The following GRIA4 variants were observed in gnomAD, a reference collection of about 807,000 sequenced individuals.
The protein encoded by GRIA4 is glutamate ionotropic receptor AMPA type subunit 4, also known as glutamate receptor 4.
Under a neutral mutation model 104.0 loss-of-function variants are expected in GRIA4, and 34 were observed. That is an observed-to-expected ratio of 0.33 (90% confidence interval 0.25 to 0.44). The LOEUF is 0.44. Among genes scored for constraint, GRIA4 ranks in the 20% least tolerant of loss-of-function variants. GRIA4 has a pLI of 1.00. For synonymous variants in GRIA4, 386 were observed against 381.9 expected (o/e 1.01, Z -0.13); for missense variants, 750 against 1,096.5 (o/e 0.68, Z 4.46).
chr11:105,748,195 C>T (rs578248341), intron 3 of GRIA4, among the ~76,000 whole-genome samples: 87 of 152,254 alleles, frequency 5.7e-4, no homozygotes, highest in Admixed American at 2.2e-3. Context: ...TTATTTATTC[C>T]TAGTGCTGTT....
intron 4 of GRIA4, among the ~76,000 whole-genome samples, chr11:105,860,762 C>A (rs779965655): frequency 1.3e-5 from 2 of 151,804 alleles, no homozygotes; most frequent in African/African-American, 2.4e-5. Flanking sequence ...AGTTCAAGAC[C>A]AGCCTGGCCA....
intron 6 of GRIA4, among the ~76,000 whole-genome samples, chr11:105,894,561 G>A (rs1000600671): frequency 6.6e-6 from 1 of 152,044 alleles, no homozygotes; most frequent in African/African-American, 2.4e-5. Flanking sequence ...GTTGCCAGTA[G>A]ACTGATATAT....
chr11:105,844,017 C>T (rs765183446), intron 4 of GRIA4, among the ~76,000 whole-genome samples: 2 of 152,210 alleles, frequency 1.3e-5, no homozygotes, highest in African/African-American at 4.8e-5. Flanking sequence ...GTAACTGGCT[C>T]CTGCATCTTG....
At chr11:105,949,566 G>C (rs1384773126) in intron 14 of GRIA4, among the ~76,000 whole-genome samples, 2 of 152,038 alleles carry the variant, frequency 1.3e-5, no homozygotes, top group African/African-American at 4.8e-5. Flanking sequence ...TCAGATACTA[G>C]ATCTTATTAT....
intron 4 of GRIA4, among the ~76,000 whole-genome samples, chr11:105,762,814 G>C (rs1940730207): frequency 6.6e-6 from 1 of 152,198 alleles, no homozygotes; most frequent in Non-Finnish European, 1.5e-5. Flanking sequence ...CAGCCATGTG[G>C]AACTGTGAGT....
chr11:105,688,848 G>T (rs893083297), intron 3 of GRIA4, among the ~76,000 whole-genome samples: 4 of 151,990 alleles, frequency 2.6e-5, no homozygotes, highest in African/African-American at 9.7e-5. Flanking sequence ...TTAGGTAGAT[G>T]GTGGTGCTAG....
chr11:105,882,328 A>C (rs1298065698), intron 5 of GRIA4, among the ~76,000 whole-genome samples: 1 of 152,200 alleles, frequency 6.6e-6, no homozygotes, highest in African/African-American at 2.4e-5. Context: ...TTTAGTTTGG[A>C]AGACCATGTT....
At chr11:105,963,639 C>T (rs909409669) in intron 14 of GRIA4, among the ~76,000 whole-genome samples, 1 of 152,060 alleles carries the variant, frequency 6.6e-6, no homozygotes, top group African/African-American at 2.4e-5. Context: ...TATAAAATTA[C>T]ACAAATATAT....
At chr11:105,689,189 T>C (rs1952998938) in intron 3 of GRIA4, among the ~76,000 whole-genome samples, 1 of 152,196 alleles carries the variant, frequency 6.6e-6, no homozygotes, top group African/African-American at 2.4e-5. Flanking sequence ...TTTGAAGGCA[T>C]CACCAAGAAG....
intron 5 of GRIA4, among the ~76,000 whole-genome samples, chr11:105,862,929 AG>A (rs1169808640): frequency 6.6e-6 from 1 of 152,218 alleles, no homozygotes; most frequent in Admixed American, 6.5e-5. Context: ...ATCATGATAA[AG>A]CTTTAAAGGC....
chr11:105,804,450 AT>A (rs552310220), intron 4 of GRIA4, among the ~76,000 whole-genome samples: 2 of 151,788 alleles, frequency 1.3e-5, no homozygotes, highest in African/African-American at 2.4e-5. Flanking sequence ...AAAAAGCAGA[AT>A]CCCCCACTTA....
chr11:105,779,057 T>C (rs1207813115), intron 4 of GRIA4, among the ~76,000 whole-genome samples: 1 of 150,164 alleles, frequency 6.7e-6, no homozygotes, highest in East Asian at 2.0e-4. Context: ...GTCCTTGCGA[T>C]AGTTTGCTGA....
At chr11:105,616,352 G>T (rs1305778698) in intron 3 of GRIA4, among the ~76,000 whole-genome samples, 1 of 151,474 alleles carries the variant, frequency 6.6e-6, no homozygotes, top group Non-Finnish European at 1.5e-5. Flanking sequence ...ATTCTGTGTG[G>T]CTGATTTATT....
intron 3 of GRIA4, among the ~76,000 whole-genome samples, chr11:105,643,942 C>A (rs985084355): frequency 6.6e-6 from 1 of 152,194 alleles, no homozygotes; most frequent in Non-Finnish European, 1.5e-5. Context: ...TGGTCTTGAA[C>A]ATCTGACCTC....
At chr11:105,716,731 T>C (rs72981096) in intron 3 of GRIA4, among the ~76,000 whole-genome samples, 2 of 152,154 alleles carry the variant, frequency 1.3e-5, no homozygotes, top group African/African-American at 2.4e-5. Flanking sequence ...CATCCTATTA[T>C]GAAGTTTCAT....
intron 4 of GRIA4, among the ~76,000 whole-genome samples, chr11:105,800,329 A>G (rs1942669274): frequency 6.6e-6 from 1 of 152,050 alleles, no homozygotes; most frequent in African/African-American, 2.4e-5. Flanking sequence ...TATTGAGACT[A>G]CCATTTACTA....
chr11:105,661,915 TA>T (rs1156734610), intron 3 of GRIA4, among the ~76,000 whole-genome samples: 1 of 151,782 alleles, frequency 6.6e-6, no homozygotes, highest in Non-Finnish European at 1.5e-5. Context: ...AAAGGAAATT[TA>T]AAATGACTAT....
At chr11:105,829,842 G>A (rs1178000779) in intron 4 of GRIA4, among the ~76,000 whole-genome samples, 2 of 151,812 alleles carry the variant, frequency 1.3e-5, no homozygotes, top group East Asian at 2.0e-4. Context: ...ACAGGCATAG[G>A]GAGGGCTGAG....
At chr11:105,700,128 A>G (rs1457537370) in intron 3 of GRIA4, among the ~76,000 whole-genome samples, 1 of 152,226 alleles carries the variant, frequency 6.6e-6, no homozygotes, top group South Asian at 2.1e-4. Flanking sequence ...TAATACACGA[A>G]GAGTGCACAT....
Sources: allele counts gnomAD v4.1 joint callset (sites outside exome capture counted in the v4.1 genomes callset), GRCh38; gene constraint gnomAD v4.1.1; transcripts MANE v1.5; gene names NCBI Gene and HGNC (gene_info 2026-07-23, HGNC 2026-07-21).